Variants in RAD52 observed in about 807,000 individuals in gnomAD.
RAD52 encodes RAD52 DNA repair protein.
Under a neutral mutation model 55.5 loss-of-function variants are expected in RAD52, and 47 were observed. That is an observed-to-expected ratio of 0.85 (90% CI 0.67 to 1.08). RAD52 has a LOEUF of 1.08. Ranked by LOEUF, RAD52 falls within the 50% of genes least tolerant of loss-of-function variation. The probability of loss-of-function intolerance (pLI) is 0.00; values close to 1 mark genes in which losing one functional copy is unlikely to be tolerated. For synonymous variants in RAD52, 184 were observed against 198.9 expected, an observed-to-expected ratio of 0.92 and a Z score of 0.63; for missense variants, 468 against 522.8, an observed-to-expected ratio of 0.90 and a Z score of 1.02.
intron 1 of RAD52, among the ~76,000 whole-genome samples, chr12:937,218 C>T (rs761781747): frequency 6.6e-6 from 1 of 152,190 alleles, no homozygotes; most frequent in African/African-American, 2.4e-5. Flanking sequence ...TGTACTTGCA[C>T]CAAGGGCAAC....
chr12:978,225 T>C (rs1333181669), intron 1 of RAD52, among the ~76,000 whole-genome samples: 1 of 152,024 alleles, frequency 6.6e-6, no homozygotes, highest in East Asian at 1.9e-4. Flanking sequence ...TCTTTTTTTT[T>C]TGTATTTTTA....
Position 983,533 on chromosome 12 carries a change from C to T in RAD52, c.-19+6276G>A, listed in dbSNP as rs1959047866. On this transcript the variant is annotated intron_variant, in intron 1 of 11. Transcript: ENST00000430095. ...CCAGATTCAAGTGATGATTCTCCTG[C>T]CCCAGCCTCTCAAGTAGCTAGGATT... is the stretch of plus-strand genomic sequence containing the variant. Among the ~76,000 whole-genome samples the T allele has an allele frequency of 3.3e-5, 5 of 151,678 alleles. No homozygotes were observed. In the South Asian group the frequency reaches 1.0e-3, roughly 32 times the overall value.
intron 2 of RAD52, among the ~76,000 whole-genome samples, chr12:932,159 T>C (rs1047491629): frequency 4.0e-5 from 6 of 151,642 alleles, no homozygotes; most frequent in African/African-American, 1.2e-4. Flanking sequence ...AGTTCAAGAC[T>C]ACCCTGGCCA....
In RAD52 at chr12:949,665, A is replaced by G. The variant is rs1447913194; in HGVS notation, c.-82T>C. 1 of 151,942 alleles carries G rather than the reference A, an allele frequency of 6.6e-6. No individual in the cohort carries two copies. 9.4% of individuals were successfully genotyped at this position (151,942 alleles called of 1,614,324 possible). On this transcript the variant is annotated 5_prime_UTR_variant, in exon 1 of 12. Coordinates refer to ENST00000358495, the MANE Select transcript of RAD52 (RefSeq NM_134424.4). Reference sequence around the variant, plus strand: ...TCTAGGCTATGGACAAGGGGAAGAGATCTTAGATGGAGGCCGCGCAGAGGA... The same window carrying G: ...TCTAGGCTATGGACAAGGGGAAGAGGTCTTAGATGGAGGCCGCGCAGAGGA...
rs556579126 is a variant in RAD52, at chr12:971,841, G to C, written c.-19+17968C>G. ...CGGCTCACTGCAGGCTCCGCCCCCC[G>C]GGGTTCACGCCATTCTCCTGCCTCA... is the stretch of plus-strand genomic sequence containing the variant. On this transcript the variant is annotated intron_variant, in intron 1 of 11. Transcript: ENST00000430095. Among the ~76,000 whole-genome samples, 168 of 141,286 alleles carry C rather than the reference G, an allele frequency of 1.2e-3. 1 individual carries two copies. Among genetic ancestry groups the C allele is most frequent in the Non-Finnish European group, 1.4e-3 (96 of 66,908 alleles). 92.7% of individuals were successfully genotyped at this position (141,286 alleles called of 152,430 possible).
At chr12:941,566 G>C (rs954786008) in intron 1 of RAD52, among the ~76,000 whole-genome samples, 2 of 151,272 alleles carry the variant, frequency 1.3e-5, no homozygotes, top group South Asian at 2.1e-4. Context: ...GATCCACCCG[G>C]CTCAGCCTCC....
At chr12:971,275 G>A (rs1958846971) in intron 1 of RAD52, among the ~76,000 whole-genome samples, 1 of 151,924 alleles carries the variant, frequency 6.6e-6, no homozygotes, top group Non-Finnish European at 1.5e-5. Context: ...AAACATTGTG[G>A]GGAAGGGCAT....
intron 1 of RAD52, among the ~76,000 whole-genome samples, chr12:977,710 C>T (rs61917247): frequency 4.5e-4 from 68 of 152,302 alleles, no homozygotes; most frequent in Non-Finnish European, 7.8e-4. Flanking sequence ...TGTTATCAAG[C>T]CAGTCACCAC....
chr12:927,867 GAA>G (rs554734829), intron 5 of RAD52, among the ~76,000 whole-genome samples: 1 of 144,180 alleles, frequency 6.9e-6, no homozygotes. Flanking sequence ...CTACGTCTTG[GAA>G]AAAAAAAAAC....
intron 7 of RAD52, among the ~76,000 whole-genome samples, chr12:918,055 A>G (rs548265263): frequency 2.6e-5 from 4 of 152,336 alleles, no homozygotes; most frequent in Non-Finnish European, 4.4e-5. Context: ...TAATACAACC[A>G]TACAGGAAAA....
rs1565647269 is a variant in RAD52 at position 916,403 on chromosome 12, C to T, written c.806G>A (p.Arg269Gln). The T allele has an allele frequency of 3.1e-6, 5 of 1,608,982 alleles. No homozygotes were observed. The highest frequency in any genetic ancestry group is 3.4e-6 in the Non-Finnish European group (4 of 1,179,616). ...LRQKQLQQQFRERMEKQQVRV... is the reference protein window; with the variant it reads ...LRQKQLQQQFQERMEKQQVRV... Reference sequence around the variant, plus strand: ...AACCTGCTGCTTCTCCATCCGCTCCCGGAACTGCTGCTGCAGCTGCTTCTG... The same window carrying T: ...AACCTGCTGCTTCTCCATCCGCTCCTGGAACTGCTGCTGCAGCTGCTTCTG... The change falls in exon 9 of 12, where the codon CGG becomes CAG. Residue 269 changes from arginine (R) to glutamine (Q), a missense_variant. Transcript: ENST00000358495.
At chr12:952,378 G>A (rs955927510), upstream of RAD52, among the ~76,000 whole-genome samples, 1 of 152,148 alleles carries the variant, frequency 6.6e-6, no homozygotes, top group Admixed American at 6.5e-5. Flanking sequence ...GGGACTACAG[G>A]TGCTCACCAC....
intron 1 of RAD52, 149 bp from the exon 2 acceptor site, chr12:933,225 G>A (rs1229637849): frequency 3.0e-5 from 17 of 561,394 alleles, no homozygotes; most frequent in Non-Finnish European, 3.5e-5. Flanking sequence ...TTGGGAGGCC[G>A]AGGTGGGTGG....
chr12:919,087 G>A (rs1464178302), intron 7 of RAD52, among the ~76,000 whole-genome samples: 1 of 152,168 alleles, frequency 6.6e-6, no homozygotes, highest in African/African-American at 2.4e-5. Flanking sequence ...GGCAGTGACT[G>A]GAAGAGGGCA....
intron 1 of RAD52, chr12:974,994 G>A (rs532469196): frequency 2.2e-4 from 33 of 152,258 alleles, no homozygotes; most frequent in African/African-American, 4.6e-4. Context: ...AAAGATAGGT[G>A]AGTACAGTAA....
chr12:912,982 A>G lies in RAD52; in HGVS notation c.*409T>C. The G allele has an allele frequency of 5.2e-6, 1 of 192,266 alleles. No homozygotes were observed. The highest frequency in any genetic ancestry group is 2.6e-5 in the African/African-American group (1 of 39,082). 11.9% of individuals were successfully genotyped at this position (192,266 alleles called of 1,614,324 possible). ...AAAGGCATGGACCGTAAAGGAAAGAAGGCAGACGTTATGCAAAACAACTGA... is the reference window on the plus strand; with the variant it reads ...AAAGGCATGGACCGTAAAGGAAAGAGGGCAGACGTTATGCAAAACAACTGA... On this transcript the variant is annotated 3_prime_UTR_variant, in exon 12 of 12. Coordinates refer to ENST00000358495, the MANE Select transcript of RAD52 (RefSeq NM_134424.4).
upstream of RAD52, chr12:990,621 G>C (rs1672009785): frequency 6.6e-6 from 1 of 152,246 alleles, no homozygotes; most frequent in African/African-American, 2.4e-5. Context: ...GCAGCCCCGC[G>C]AGTCTCAGGT....
intron 1 of RAD52, among the ~76,000 whole-genome samples, chr12:960,990 A>G (rs1958674575): frequency 6.6e-6 from 1 of 152,066 alleles, no homozygotes; most frequent in Non-Finnish European, 1.5e-5. Flanking sequence ...TCCAACACAT[A>G]GAGGCAAGAC....
At chr12:972,381 A>AG (rs1363324347) in intron 1 of RAD52, among the ~76,000 whole-genome samples, 3 of 152,184 alleles carry the variant, frequency 2.0e-5, no homozygotes, top group Non-Finnish European at 1.5e-5. Flanking sequence ...TAGGGGCACC[A>AG]GGGAAGGCTC....
Sources: gnomAD v4.1 joint callset for allele counts (sites outside exome capture counted in the v4.1 genomes callset) on GRCh38, gnomAD v4.1.1 for gene constraint, MANE v1.5 for transcripts, NCBI Gene and HGNC (gene_info 2026-07-23, HGNC 2026-07-21) for gene names.